Variants in LARGE1 observed in about 807,000 individuals in gnomAD.
The protein encoded by LARGE1 is xylosyl- and glucuronyltransferase LARGE1.
A neutral mutation model predicts 87.6 loss-of-function variants in LARGE1; 43 were observed. The observed-to-expected ratio is 0.49, with a 90% CI of 0.38 to 0.63. The LOEUF (loss-of-function observed/expected upper bound fraction) is 0.63, where lower values mean the gene tolerates loss of function less well. Among genes scored for constraint, LARGE1 ranks in the 30% least tolerant of loss-of-function variants. The pLI, the probability that LARGE1 is intolerant of heterozygous loss-of-function variation, is 0.00. For missense variants in LARGE1, 802 were observed against 1,000.2 expected (o/e 0.80, Z 2.67); for synonymous variants, 434 against 394.6 (o/e 1.10, Z -1.18).
At chr22:33,316,613 T>C (rs182488696) in intron 10 of LARGE1, among the ~76,000 whole-genome samples, 18 of 152,138 alleles carry the variant, frequency 1.2e-4, no homozygotes, top group African/African-American at 4.3e-4. Context: ...TGGAGGTGTG[T>C]GGCTGTAGTG....
intron 6 of LARGE1, among the ~76,000 whole-genome samples, chr22:33,485,314 A>G (rs558149034): frequency 9.2e-4 from 140 of 151,682 alleles, no homozygotes; most frequent in African/African-American, 3.2e-3. Context: ...CCCAGGTTCA[A>G]ATAATTCTCC....
intron 6 of LARGE1, among the ~76,000 whole-genome samples, chr22:33,532,634 AATT>A (rs1180731647): frequency 6.6e-6 from 1 of 152,188 alleles, no homozygotes; most frequent in Non-Finnish European, 1.5e-5. Context: ...CTTGCTTGCA[AATT>A]ATTCTTATCA....
At chr22:33,468,476 T>C (rs2068705113) in intron 6 of LARGE1, among the ~76,000 whole-genome samples, 2 of 152,164 alleles carry the variant, frequency 1.3e-5, no homozygotes, top group South Asian at 4.1e-4. Flanking sequence ...CATCTAATTT[T>C]TCTATTATAG....
At chr22:33,503,799 A>AAAAAAC (rs368626909) in intron 6 of LARGE1, among the ~76,000 whole-genome samples, 7 of 152,102 alleles carry the variant, frequency 4.6e-5, no homozygotes, top group East Asian at 2.0e-4. Flanking sequence ...ACTCTGTCTC[A>AAAAAAC]AAAAACAAAA....
chr22:33,799,776 G>A (rs1356914487), intron 1 of LARGE1, among the ~76,000 whole-genome samples: 1 of 152,148 alleles, frequency 6.6e-6, no homozygotes, highest in Admixed American at 6.5e-5. Flanking sequence ...GACTGAAAAC[G>A]GAGAGTTTGG....
At chr22:33,580,957 T>C (rs1290412334) in intron 5 of LARGE1, among the ~76,000 whole-genome samples, 2 of 152,168 alleles carry the variant, frequency 1.3e-5, no homozygotes, top group Non-Finnish European at 1.5e-5. Context: ...ACCGGTCAGT[T>C]TGTAAGACGT....
intron 3 of LARGE1, among the ~76,000 whole-genome samples, chr22:33,635,354 G>T (rs1456613144): frequency 6.6e-6 from 1 of 152,018 alleles, no homozygotes; most frequent in African/African-American, 2.4e-5. Flanking sequence ...TGCGGTCACT[G>T]GTCCACCCCT....
intron 11 of LARGE1, among the ~76,000 whole-genome samples, chr22:33,169,989 C>G (rs1255173068): frequency 6.6e-6 from 1 of 152,222 alleles, no homozygotes; most frequent in African/African-American, 2.4e-5. Flanking sequence ...ATTTGTGTCC[C>G]CCTTAAATGT....
intron 3 of LARGE1, among the ~76,000 whole-genome samples, chr22:33,642,237 T>G (rs2080456835): frequency 6.6e-6 from 1 of 152,144 alleles, no homozygotes; most frequent in African/African-American, 2.4e-5. Flanking sequence ...TCAACATTCT[T>G]AAAGAAAAGA....
At chr22:33,149,032 CT>C in the LARGE1 span, among the ~76,000 whole-genome samples, 2 of 146,428 alleles carry the variant, frequency 1.4e-5, no homozygotes, top group Admixed American at 6.9e-5. Flanking sequence ...TTTTTGTTTT[CT>C]TTTTTTCTTT....
At chr22:33,279,633 C>T (rs150284278) in intron 13 of LARGE1, among the ~76,000 whole-genome samples, 59 of 152,164 alleles carry the variant, frequency 3.9e-4, no homozygotes, top group African/African-American at 1.3e-3. Context: ...ATCAACACAG[C>T]AACTTCCATC....
At chr22:33,206,102 C>G (rs926680050) in intron 11 of LARGE1, among the ~76,000 whole-genome samples, 4 of 151,992 alleles carry the variant, frequency 2.6e-5, no homozygotes, top group African/African-American at 7.2e-5. Flanking sequence ...CTACAGGCGC[C>G]CGCCACCACA....
chr22:33,213,022 A>G (rs1925039810), intron 11 of LARGE1, among the ~76,000 whole-genome samples: 1 of 152,044 alleles, frequency 6.6e-6, no homozygotes, highest in African/African-American at 2.4e-5. Context: ...CGTCTGAAAA[A>G]AAAAAAAAAA....
At chr22:33,424,364 A>G (rs9607044) in intron 7 of LARGE1, among the ~76,000 whole-genome samples, 9,299 of 152,230 alleles carry the variant, frequency 0.061, 530 homozygotes, top group Admixed American at 0.19. Flanking sequence ...CAGGATTGGA[A>G]AAGGTGTAGA....
intron 2 of LARGE1, among the ~76,000 whole-genome samples, chr22:33,668,634 GATCACTCATGTCCA>G (rs1338023527): frequency 1.3e-5 from 2 of 152,146 alleles, no homozygotes; most frequent in Admixed American, 6.5e-5. Flanking sequence ...CTAGTGCATT[GATCACTCATGTCCA>G]TTGATGCAGG....
chr22:33,653,336 A>G (rs16992721), intron 2 of LARGE1, among the ~76,000 whole-genome samples: 2,522 of 152,318 alleles, frequency 0.017, 50 homozygotes, highest in African/African-American at 0.049. Flanking sequence ...GACTGTAAAC[A>G]AGGTCTCCTG....
chr22:33,806,813 C>T (rs931795997), intron 1 of LARGE1, among the ~76,000 whole-genome samples: 2 of 152,114 alleles, frequency 1.3e-5, no homozygotes, highest in Non-Finnish European at 2.9e-5. Context: ...AGATCGAGAC[C>T]ATCCTGGCCA....
intron 6 of LARGE1, among the ~76,000 whole-genome samples, chr22:33,460,592 T>C (rs1208963048): frequency 6.6e-6 from 1 of 152,118 alleles, no homozygotes; most frequent in Non-Finnish European, 1.5e-5. Context: ...TAATGGAAAC[T>C]GATAAGATAG....
intron 6 of LARGE1, among the ~76,000 whole-genome samples, chr22:33,448,517 C>A (rs557175226): frequency 1.3e-5 from 2 of 152,316 alleles, no homozygotes; most frequent in East Asian, 3.9e-4. Context: ...GGCTCCAGGA[C>A]ACAGTCTTCA....
Sources: gnomAD v4.1 joint callset for allele counts (sites outside exome capture counted in the v4.1 genomes callset) on GRCh38, gnomAD v4.1.1 for gene constraint, MANE v1.5 for transcripts, NCBI Gene and HGNC (gene_info 2026-07-23, HGNC 2026-07-21) for gene names.